The following GABRB3 variants were observed in gnomAD, a reference collection of about 807,000 sequenced individuals.
GABRB3 encodes gamma-aminobutyric acid receptor subunit beta-3.
GABRB3 carries 14 observed loss-of-function variants against 52.1 expected under a neutral mutation model. That is an observed-to-expected ratio of 0.27 (90% CI 0.18 to 0.42). The LOEUF is 0.42. Among genes scored for constraint, GABRB3 ranks in the 10% least tolerant of loss-of-function variants. The pLI is 1.00. For missense variants in GABRB3, 307 were observed against 609.1 expected (o/e 0.50, Z 5.22); for synonymous variants, 260 against 232.3 (o/e 1.12, Z -1.08).
At chr15:26,760,013 G>C (rs1011336216) in intron 3 of GABRB3, among the ~76,000 whole-genome samples, 3 of 152,198 alleles carry the variant, frequency 2.0e-5, no homozygotes, top group Admixed American at 2.0e-4. Flanking sequence ...TACTGAGCAT[G>C]GATTCGGATG....
chr15:26,588,598 C>T (rs1380342004), intron 4 of GABRB3, among the ~76,000 whole-genome samples: 1 of 152,014 alleles, frequency 6.6e-6, no homozygotes, highest in Non-Finnish European at 1.5e-5. Context: ...CTTTTAAAGG[C>T]CTACTCAGGA....
At chr15:26,733,888 C>A (rs1889996602) in intron 3 of GABRB3, among the ~76,000 whole-genome samples, 1 of 152,134 alleles carries the variant, frequency 6.6e-6, no homozygotes, top group African/African-American at 2.4e-5. Flanking sequence ...AAAGGACAGT[C>A]TTTTGAACAA....
rs1013216137 is a variant in GABRB3 at position 26,625,463 on chromosome 15, A to G, written c.241-3929T>C. The stretch of plus-strand genomic sequence containing the variant: ...AATGATGTGGCATGAACCAAAGAGA[A>G]GAGCACAGTCACAAAGAGATGGAAT... On this transcript the variant is annotated intron_variant, in intron 3 of 8. Coordinates refer to ENST00000311550, the MANE Select transcript of GABRB3 (RefSeq NM_000814.6). 3.1e-5 allele frequency: 31 copies of G among 985,124 alleles called. No individual in the cohort carries two copies. In the African/African-American group the frequency reaches 5.2e-4, roughly 17 times the overall value. The allele number at this position is 985,124 out of a possible 1,614,324, so 61.0% of individuals were successfully genotyped here.
chr15:26,694,538 C>T (rs1343302586), intron 3 of GABRB3, among the ~76,000 whole-genome samples: 1 of 152,164 alleles, frequency 6.6e-6, no homozygotes, highest in African/African-American at 2.4e-5. Context: ...CTAACATCTA[C>T]AGCTACAGCA....
chr15:26,580,851 C>A (rs1379398014), intron 5 of GABRB3, among the ~76,000 whole-genome samples: 2 of 152,224 alleles, frequency 1.3e-5, no homozygotes, highest in Admixed American at 6.5e-5. Context: ...ATACTCCTCT[C>A]AAGAGCTTCT....
At chr15:26,669,479 AT>A (rs976296820) in intron 3 of GABRB3, among the ~76,000 whole-genome samples, 2 of 152,058 alleles carry the variant, frequency 1.3e-5, no homozygotes, top group Non-Finnish European at 2.9e-5. Context: ...ACATGGTAAT[AT>A]TATCATTTCA....
At chr15:26,740,729 G>C (rs1240884559) in intron 3 of GABRB3, among the ~76,000 whole-genome samples, 2 of 152,178 alleles carry the variant, frequency 1.3e-5, no homozygotes, top group Non-Finnish European at 2.9e-5. Flanking sequence ...TCAGGCAATA[G>C]GAGCCACATC....
At chr15:26,772,173 A>C (rs1419235401) in intron 3 of GABRB3, 4 of 456,238 alleles carry the variant, frequency 8.8e-6, no homozygotes, top group African/African-American at 8.4e-5. Context: ...ACTCCCCCGC[A>C]GGAAGGGTGC....
intron 3 of GABRB3, among the ~76,000 whole-genome samples, chr15:26,712,062 G>A (rs2140131273): frequency 6.6e-6 from 1 of 152,290 alleles, no homozygotes; most frequent in East Asian, 1.9e-4. Context: ...TCATGCACTG[G>A]TGAGACAGCA....
chr15:26,624,446 T>C (rs1466413308), intron 3 of GABRB3: 1 of 985,362 alleles, frequency 1.0e-6, no homozygotes, highest in Admixed American at 6.1e-5. Context: ...GGCTCGCACA[T>C]GGCTTGCCAC....
chr15:26,634,853 TACAC>T (rs1480259766), intron 3 of GABRB3, among the ~76,000 whole-genome samples: 1 of 149,916 alleles, frequency 6.7e-6, no homozygotes, highest in Non-Finnish European at 1.5e-5. Context: ...TATGTATACA[TACAC>T]ACATATATAC....
At chr15:26,765,979 G>A (rs1309827356) in intron 3 of GABRB3, among the ~76,000 whole-genome samples, 1 of 152,118 alleles carries the variant, frequency 6.6e-6, no homozygotes, top group Non-Finnish European at 1.5e-5. Context: ...CTATTTCTGA[G>A]CCTATTTCCT....
At chr15:26,710,898 CT>C (rs893200999) in intron 3 of GABRB3, among the ~76,000 whole-genome samples, 16 of 143,108 alleles carry the variant, frequency 1.1e-4, no homozygotes, top group African/African-American at 3.6e-4. Context: ...ACACTTTGAT[CT>C]TTTTTTTTTT....
chr15:26,669,655 C>CA (rs1371389870), intron 3 of GABRB3, among the ~76,000 whole-genome samples: 1 of 152,016 alleles, frequency 6.6e-6, no homozygotes, highest in Non-Finnish European at 1.5e-5. Flanking sequence ...TGCACTCCCT[C>CA]AGTAGTCCTC....
intron 3 of GABRB3, among the ~76,000 whole-genome samples, chr15:26,650,838 G>A (rs1887173848): frequency 6.6e-6 from 1 of 152,096 alleles, no homozygotes; most frequent in Non-Finnish European, 1.5e-5. Context: ...GAGATGGTTG[G>A]ACTTTGAGGA....
At chr15:26,581,636 A>G (rs1315549992) in intron 5 of GABRB3, among the ~76,000 whole-genome samples, 1 of 152,190 alleles carries the variant, frequency 6.6e-6, no homozygotes, top group Non-Finnish European at 1.5e-5. Flanking sequence ...TGCAGCTCAG[A>G]CCAGCGTGCT....
chr15:26,697,246 T>C (rs1316761578), intron 3 of GABRB3, among the ~76,000 whole-genome samples: 1 of 152,222 alleles, frequency 6.6e-6, no homozygotes. Flanking sequence ...TAATGATCTA[T>C]TCTCAAAGGG....
intron 3 of GABRB3, among the ~76,000 whole-genome samples, chr15:26,724,251 C>T (rs1050449409): frequency 6.6e-6 from 1 of 152,178 alleles, no homozygotes; most frequent in African/African-American, 2.4e-5. Flanking sequence ...CTCTCTCCTC[C>T]TGGGCCATCA....
intron 4 of GABRB3, chr15:26,615,438 G>A (rs1892219822): frequency 1.0e-5 from 10 of 986,870 alleles, no homozygotes; most frequent in Non-Finnish European, 1.2e-5. Context: ...AGAAGAGCAA[G>A]CTAGTGTTAC....
Sources: gnomAD v4.1 joint callset for allele counts (sites outside exome capture counted in the v4.1 genomes callset) on GRCh38, gnomAD v4.1.1 for gene constraint, MANE v1.5 for transcripts, NCBI Gene and HGNC (gene_info 2026-07-23, HGNC 2026-07-21) for gene names.